EDA: variants seen among roughly 807,000 people sequenced by gnomAD.
EDA encodes the protein ectodysplasin A, also known as ectodysplasin-A.
EDA carries 2 observed loss-of-function variants against 23.6 expected under a neutral mutation model. That is an observed-to-expected ratio of 0.08 (90% CI 0.03 to 0.27). The LOEUF is 0.27. EDA is among the 10% of genes least tolerant of loss of function. The pLI, the probability that EDA is intolerant of heterozygous loss-of-function variation, is 1.00. For missense variants in EDA, 229 were observed against 324.2 expected (o/e 0.71, Z 2.26); for synonymous variants, 131 against 132.0 (o/e 0.99, Z 0.05).
chrX:69,748,302 C>A (rs964650630), intron 1 of EDA, among the ~76,000 whole-genome samples: 4 of 110,992 alleles, frequency 3.6e-5, no homozygotes, highest in Non-Finnish European at 7.5e-5. Context: ...TAGGAAAAAT[C>A]ACTGGAAATG....
At chrX:69,963,394 TAG>T (rs921386646) in intron 2 of EDA, among the ~76,000 whole-genome samples, 2 of 111,605 alleles carry the variant, frequency 1.8e-5, no homozygotes, top group African/African-American at 6.5e-5. Flanking sequence ...TTGAGAGCGA[TAG>T]AGTTTCAGGG....
intron 2 of EDA, among the ~76,000 whole-genome samples, chrX:70,019,806 C>T (rs1403120138): frequency 9.0e-6 from 1 of 111,205 alleles, no homozygotes; most frequent in Non-Finnish European, 1.9e-5. Context: ...ACGTTTATTA[C>T]CTGGGTGATG....
At chrX:69,812,225 G>A (rs1378610481) in intron 1 of EDA, among the ~76,000 whole-genome samples, 1 of 111,901 alleles carries the variant, frequency 8.9e-6, no homozygotes, top group Non-Finnish European at 1.9e-5. Context: ...ATGCTGTACT[G>A]AAAATTAAGA....
chrX:69,768,476 C>T (rs1174785528), intron 1 of EDA, among the ~76,000 whole-genome samples: 2 of 110,881 alleles, frequency 1.8e-5, no homozygotes, highest in African/African-American at 6.5e-5. Flanking sequence ...CAATGTATTG[C>T]ATTGACATCT....
rs371615034 is a variant in EDA, at chrX:70,023,266, G to T, written c.526+25G>T. 565 of 1,081,853 alleles carry T rather than the reference G, an allele frequency of 5.2e-4. 1 individual carries two copies. Among genetic ancestry groups the T allele is most frequent in the Admixed American group, 7.2e-4 (31 of 43,279 alleles). The allele number at this position is 1,081,853 out of a possible 1,213,427, so 89.2% of individuals were successfully genotyped here. On this transcript the variant is annotated intron_variant, in intron 3 of 7. Coordinates refer to ENST00000374552, the MANE Select transcript of EDA (RefSeq NM_001399.5). ...GGTAAGTTCCTGACTTTATAAAATTGCTGTCTTGTCATATATTTTCTAAAG... is the reference window on the plus strand; with the variant it reads ...GGTAAGTTCCTGACTTTATAAAATTTCTGTCTTGTCATATATTTTCTAAAG...
chrX:69,826,121 A>G (rs1251623733), intron 1 of EDA, among the ~76,000 whole-genome samples: 1 of 111,060 alleles, frequency 9.0e-6, no homozygotes, highest in African/African-American at 3.3e-5. Context: ...ACTTCCAAGT[A>G]TGTGGTCAAT....
chrX:69,696,617 T>C (rs776509148), intron 1 of EDA, among the ~76,000 whole-genome samples: 31 of 112,182 alleles, frequency 2.8e-4, no homozygotes, highest in African/African-American at 1.0e-3. Context: ...CTTTTATTTC[T>C]ATTTTAAATT....
intron 1 of EDA, among the ~76,000 whole-genome samples, chrX:69,627,913 T>A (rs1052467129): frequency 9.0e-6 from 1 of 111,608 alleles, no homozygotes; most frequent in African/African-American, 3.3e-5. Flanking sequence ...TGGTTTCCTG[T>A]CTCTTGTGGC....
At chrX:69,781,891 C>A (rs1042162386) in intron 1 of EDA, among the ~76,000 whole-genome samples, 2 of 110,141 alleles carry the variant, frequency 1.8e-5, no homozygotes, top group East Asian at 5.7e-4. Flanking sequence ...ATGATAAATA[C>A]CAGTAAACAT....
chrX:69,700,284 G>T (rs1290405457), intron 1 of EDA, among the ~76,000 whole-genome samples: 2 of 111,497 alleles, frequency 1.8e-5, no homozygotes, highest in African/African-American at 3.3e-5. Flanking sequence ...GAAACCTTGA[G>T]GTAGTATGCA....
At chrX:69,984,130 G>A (rs1171986402) in intron 2 of EDA, among the ~76,000 whole-genome samples, 1 of 63,474 alleles carries the variant, frequency 1.6e-5, no homozygotes, top group Non-Finnish European at 2.8e-5. Context: ...AGTGTGTAGA[G>A]GGAAATTTAT....
At chrX:69,710,419 T>A (rs1377851927) in intron 1 of EDA, among the ~76,000 whole-genome samples, 1 of 111,059 alleles carries the variant, frequency 9.0e-6, no homozygotes, top group Non-Finnish European at 1.9e-5. Context: ...TAGTTTGAAG[T>A]CAGGTAGTGT....
At chrX:69,795,721 T>A (rs1009326498) in intron 1 of EDA, among the ~76,000 whole-genome samples, 1 of 112,629 alleles carries the variant, frequency 8.9e-6, no homozygotes, top group Non-Finnish European at 1.9e-5. Flanking sequence ...GGCTGTCACC[T>A]CTGAAGGCAG....
At chrX:69,718,240 C>T (rs1000744415) in intron 1 of EDA, among the ~76,000 whole-genome samples, 3 of 112,071 alleles carry the variant, frequency 2.7e-5, no homozygotes, top group African/African-American at 9.7e-5. Flanking sequence ...GACATAGCAT[C>T]TGCAAACAAA....
intron 1 of EDA, among the ~76,000 whole-genome samples, chrX:69,792,558 GTGGTTA>G (rs1392319905): frequency 8.9e-6 from 1 of 111,957 alleles, no homozygotes; most frequent in African/African-American, 3.2e-5. Context: ...GTTTTCTATA[GTGGTTA>G]TATGAATTTA....
At chrX:69,904,054 C>T (rs1234433232) in intron 1 of EDA, among the ~76,000 whole-genome samples, 1 of 110,681 alleles carries the variant, frequency 9.0e-6, no homozygotes, top group Non-Finnish European at 1.9e-5. Context: ...TCAAGTGATC[C>T]GCCCCTCTAG....
At chrX:69,648,375 G>A (rs945887322) in intron 1 of EDA, among the ~76,000 whole-genome samples, 7 of 111,859 alleles carry the variant, frequency 6.3e-5, no homozygotes, top group East Asian at 2.8e-4. Flanking sequence ...AGCTCTATCC[G>A]TAGAACCCTG....
At chrX:69,680,790 G>A (rs1319399151) in intron 1 of EDA, among the ~76,000 whole-genome samples, 1 of 99,910 alleles carries the variant, frequency 1.0e-5, no homozygotes, top group Non-Finnish European at 2.0e-5. Context: ...GCCAGTCTGT[G>A]TCTTTTAATT....
chrX:69,960,005 C>A (rs185719578), intron 2 of EDA, among the ~76,000 whole-genome samples: 2 of 111,508 alleles, frequency 1.8e-5, no homozygotes, highest in Non-Finnish European at 1.9e-5. Context: ...CAATCTAGAG[C>A]CTTGTTGGCC....
Sources: allele counts gnomAD v4.1 joint callset (sites outside exome capture counted in the v4.1 genomes callset), GRCh38; gene constraint gnomAD v4.1.1; transcripts MANE v1.5; gene names NCBI Gene and HGNC (gene_info 2026-07-23, HGNC 2026-07-21).